STPG1: variants seen among roughly 807,000 people sequenced by gnomAD.
STPG1 encodes O(6)-methylguanine-induced apoptosis 2.
STPG1 carries 33 observed loss-of-function variants against 40.1 expected under a neutral mutation model. That is an observed-to-expected ratio of 0.82 (90% CI 0.62 to 1.10). STPG1 has a LOEUF of 1.10. STPG1 is among the 50% of genes least tolerant of loss of function. The pLI is 0.00. For missense variants in STPG1, 396 were observed against 415.1 expected, an observed-to-expected ratio of 0.95 and a Z score of 0.40; for synonymous variants, 150 against 155.0, an observed-to-expected ratio of 0.97 and a Z score of 0.24.
At chr1:24,406,997 G>T (rs1458578234) in intron 1 of STPG1, among the ~76,000 whole-genome samples, 3 of 152,082 alleles carry the variant, frequency 2.0e-5, no homozygotes, top group African/African-American at 4.8e-5. Flanking sequence ...AAACTGAAAT[G>T]CTATACCCAT....
At chr1:24,405,775 T>C (rs1462944284) in intron 1 of STPG1, among the ~76,000 whole-genome samples, 1 of 151,888 alleles carries the variant, frequency 6.6e-6, no homozygotes, top group Non-Finnish European at 1.5e-5. Context: ...CGAAATACCC[T>C]GCTTTAGCCC....
chr1:24,396,640 C>T (rs1208918762), intron 2 of STPG1, among the ~76,000 whole-genome samples: 3 of 152,092 alleles, frequency 2.0e-5, no homozygotes, highest in Non-Finnish European at 4.4e-5. Flanking sequence ...CAGATTTGGT[C>T]CAAGGAGCAA....
chr1:24,390,231 G>A (rs376667615), intron 3 of STPG1, among the ~76,000 whole-genome samples: 8 of 152,338 alleles, frequency 5.3e-5, no homozygotes, highest in African/African-American at 1.4e-4. Flanking sequence ...CTCTAAGGAC[G>A]CCTGTGAGTT....
At chr1:24,385,434 G>A (rs114198291) in intron 3 of STPG1, among the ~76,000 whole-genome samples, 3,813 of 152,224 alleles carry the variant, frequency 0.025, 166 homozygotes, top group African/African-American at 0.087. Flanking sequence ...CCCAGGCCGA[G>A]AGCCCAGGAG....
At chr1:24,372,289 G>A (rs997700390) in intron 6 of STPG1, among the ~76,000 whole-genome samples, 1 of 152,236 alleles carries the variant, frequency 6.6e-6, no homozygotes, top group African/African-American at 2.4e-5. Context: ...AAAAGAAGAA[G>A]AAGAGCTCAC....
At position 24,381,704 on chromosome 1, in the gene STPG1, CCA is replaced by C. The variant is rs775463742; in HGVS notation, c.292-1883_292-1882del. On this transcript the variant is annotated intron_variant, in intron 4 of 8. Coordinates refer to ENST00000337248, the MANE Select transcript of STPG1 (RefSeq NM_001199013.2). ...GAGGAAGTTTCTAAAATTTATAGAC[CCA>C]CAGAGTTTTTTGGTCAGCCTCACCC... Among the ~76,000 whole-genome samples, 5 of 152,128 alleles carry C rather than the reference CCA, an allele frequency of 3.3e-5. No individual in the cohort carries two copies. The East Asian group carries it at 5.8e-4, about 18-fold the overall frequency.
chr1:24,392,590 C>T (rs545104696), intron 2 of STPG1, among the ~76,000 whole-genome samples: 1 of 152,332 alleles, frequency 6.6e-6, no homozygotes, highest in Non-Finnish European at 1.5e-5. Flanking sequence ...AACCCCCAAG[C>T]CAGGCTCCTT....
At chr1:24,367,482 A>T (rs1258812654) in intron 7 of STPG1, among the ~76,000 whole-genome samples, 2 of 152,188 alleles carry the variant, frequency 1.3e-5, no homozygotes, top group African/African-American at 4.8e-5. Flanking sequence ...GGTCTATAGG[A>T]TATACAATAA....
upstream of STPG1, chr1:24,414,491 C>T (rs1371798077): frequency 2.6e-5 from 4 of 151,646 alleles, no homozygotes; most frequent in African/African-American, 9.7e-5. Context: ...TGCTTAAAGT[C>T]CTCCAATGGC....
In STPG1 at chr1:24,390,263, G is replaced by A. The variant is rs547150994; in HGVS notation, c.189+1298C>T. Among the ~76,000 whole-genome samples, 5 of 152,340 alleles carry A rather than the reference G, an allele frequency of 3.3e-5. No individual in the cohort carries two copies. In the South Asian group the frequency reaches 1.0e-3, roughly 32 times the overall value. ...AGTTGCTTCTGTCCCCTGCTGGTGA[G>A]AGAGGAGAAAGTCAGGTCCCAGAAA... On this transcript the variant is annotated intron_variant, in intron 3 of 8. Transcript: ENST00000337248.
chr1:24,388,636 A>G (rs1642617551), intron 3 of STPG1, among the ~76,000 whole-genome samples: 1 of 152,224 alleles, frequency 6.6e-6, no homozygotes, highest in Non-Finnish European at 1.5e-5. Context: ...TACTGCGAGG[A>G]GGCAGCCATG....
intron 1 of STPG1, chr1:24,411,907 T>C (rs930196950): frequency 3.3e-5 from 5 of 152,254 alleles, no homozygotes; most frequent in African/African-American, 1.2e-4. Context: ...TGTTGGACAG[T>C]TCTAATTGCT....
In STPG1 at chr1:24,399,849, G is replaced by A. The variant is rs1379559398; in HGVS notation, c.70+1470C>T. The stretch of plus-strand genomic sequence containing the variant: ...CTCAATCTCATTGATCTCAGGCAAT[G>A]CAAATTAAAACTATTATGAGCTTAA... On this transcript the variant is annotated intron_variant, in intron 2 of 8. Coordinates refer to ENST00000337248, the MANE Select transcript of STPG1 (RefSeq NM_001199013.2). This position sits in a 1 kb window ranked among gnomAD's most constrained non-coding sequence, Gnocchi z 4.0. 6.6e-6 allele frequency among the ~76,000 whole-genome samples: 1 copy of A among 152,180 alleles called. No homozygotes were observed. Among genetic ancestry groups the A allele is most frequent in the Non-Finnish European group, 1.5e-5 (1 of 68,030 alleles).
At chr1:24,413,566 C>G (rs1259037120) in intron 1 of STPG1, 108 bp downstream of exon 1, 1 of 152,320 alleles carries the variant, frequency 6.6e-6, no homozygotes, top group African/African-American at 2.4e-5. Context: ...CCGCAAGCAC[C>G]CGGAGGCCGG....
Position 24,369,823 on chromosome 1 carries a change from G to C in STPG1, c.588C>G (p.Asn196Lys). ...KGPPPGHYDI[N>K]ESLVKQSPNT... Reference sequence around the variant, plus strand: ...TTGGCGACTGCTTCACAAGGGATTCGTTGATATCATAATGCCCTAAGGAGA... The same window carrying C: ...TTGGCGACTGCTTCACAAGGGATTCCTTGATATCATAATGCCCTAAGGAGA... Residue 196 changes from asparagine (N) to lysine (K), a missense_variant, in exon 7 of 9, where the codon AAC becomes AAG. By Grantham distance (94) the Asn-to-Lys change is moderately conservative (BLOSUM62 0). Transcript: ENST00000337248. 6.2e-7 allele frequency: 1 copy of C among 1,606,286 alleles called. No individual in the cohort carries two copies. The highest frequency in any genetic ancestry group is 8.5e-7 in the Non-Finnish European group (1 of 1,175,002).
At chr1:24,393,535 T>TAAAGGA (rs912137577) in intron 2 of STPG1, among the ~76,000 whole-genome samples, 3 of 152,076 alleles carry the variant, frequency 2.0e-5, no homozygotes, top group Admixed American at 2.0e-4. Flanking sequence ...TAAAAAAGGT[T>TAAAGGA]AAAGGAAGGA....
chr1:24,369,764 T>C lies in STPG1; in HGVS notation c.647A>G (p.Asn216Ser). The change falls in exon 7 of 9, where the codon AAC becomes AGC. Residue 216 changes from asparagine to serine, a missense_variant. By Grantham distance (46) the Asn-to-Ser change is conservative. Transcript: ENST00000337248. ...TGTTGACGTCAGTTTTAATCCACGG[T>C]TGGTTTTTGATTTAAAACAAGACAT... Reference protein sequence around the residue: ...TLMSCFKSKTNRGLKLTSTGP... With the variant: ...TLMSCFKSKTSRGLKLTSTGP... 1 of 1,613,430 alleles carries C rather than the reference T, an allele frequency of 6.2e-7. No homozygotes were observed. Among genetic ancestry groups the C allele is most frequent in the Non-Finnish European group, 8.5e-7 (1 of 1,179,410 alleles).
intron 4 of STPG1, among the ~76,000 whole-genome samples, chr1:24,380,263 T>C (rs951380826): frequency 6.6e-6 from 1 of 152,170 alleles, no homozygotes; most frequent in Non-Finnish European, 1.5e-5. Flanking sequence ...CGAGTTTGCT[T>C]CAAACAAAGC....
At position 24,383,954 on chromosome 1, in the gene STPG1, AC is replaced by A. The variant is rs1183559395; in HGVS notation, c.238del (p.Val80CysfsTer61). On this transcript the variant is annotated frameshift_variant, in exon 4 of 9. Transcript: ENST00000337248. LOFTEE classifies it high-confidence loss of function. The part of the protein sequence containing the change: ...GFYNVIHQSP[V>X]SNSVSLSKKG... ...CTTGGACAATGAGACACTGTTGGAC[AC>A]CGGTGACTGGTGAATAACATTGTAG... is the stretch of plus-strand genomic sequence containing the variant. 6.2e-7 allele frequency: 1 copy of A among 1,614,142 alleles called. No individual in the cohort carries two copies. The highest frequency in any genetic ancestry group is 8.5e-7 in the Non-Finnish European group (1 of 1,179,930).
Sources: gnomAD v4.1 joint callset for allele counts (sites outside exome capture counted in the v4.1 genomes callset) on GRCh38, gnomAD v4.1.1 for gene constraint, Gnocchi (gnomAD v3.1) non-coding constraint, MANE v1.5 for transcripts, NCBI Gene and HGNC (gene_info 2026-07-23, HGNC 2026-07-21) for gene names.